ABCC3: variants seen among roughly 807,000 people sequenced by gnomAD.
ABCC3 encodes the protein ATP-binding cassette sub-family C member 3.
Under a neutral mutation model 165.3 loss-of-function variants are expected in ABCC3, and 121 were observed. The observed-to-expected ratio is 0.73, with a 90% CI of 0.63 to 0.85. The LOEUF is 0.85. Ranked by LOEUF, ABCC3 falls within the 40% of genes least tolerant of loss-of-function variation. ABCC3 has a pLI of 0.00. For synonymous variants in ABCC3, 733 were observed against 810.1 expected (o/e 0.90, Z 1.62); for missense variants, 1,869 against 1,964.1 (o/e 0.95, Z 0.92).
At chr17:50,687,354 C>T (rs1968040843) in intron 29 of ABCC3, 182 bp from the exon 30 acceptor site, 7 of 607,316 alleles carry the variant, frequency 1.2e-5, no homozygotes, top group Non-Finnish European at 2.0e-5. Flanking sequence ...CCCAAGGCCC[C>T]TCATTATCCC....
At chr17:50,649,708 GGAAA>G (rs113586705) in intron 1 of ABCC3, among the ~76,000 whole-genome samples, 10 of 149,292 alleles carry the variant, frequency 6.7e-5, no homozygotes, top group East Asian at 2.0e-4. Context: ...AGGGAAGAAG[GGAAA>G]GAAAGAAGGA....
rs1469494737 is a variant in ABCC3 at position 50,679,910 on chromosome 17, G to A, written c.3807+11G>A. 4 of 1,608,044 alleles carry A rather than the reference G, an allele frequency of 2.5e-6. No individual in the cohort carries two copies. Among genetic ancestry groups the A allele is most frequent in the Non-Finnish European group, 3.4e-6 (4 of 1,174,650 alleles). ...AAGACAGAGACAGAGGTGGGTACTG[G>A]CATGAGCCCGGGACAGGGGGAATCT... On this transcript the variant is annotated intron_variant, in intron 26 of 30. Coordinates refer to ENST00000285238, the MANE Select transcript of ABCC3 (RefSeq NM_003786.4).
chr17:50,664,201 C>A, intron 10 of ABCC3, 90 bp downstream of exon 10: 1 of 1,537,694 alleles, frequency 6.5e-7, no homozygotes, highest in Non-Finnish European at 8.9e-7. Flanking sequence ...GAGCATGGCA[C>A]ATGCTTGTAG....
At position 50,673,986 on chromosome 17, in the gene ABCC3, C is replaced by CTTTCTTTCTT. The variant is rs1567835597; in HGVS notation, c.2599+329_2599+330insTTCTTTCTTT. 2.4e-3 allele frequency among the ~76,000 whole-genome samples: 27 copies of CTTTCTTTCTT among 11,314 alleles called. 8 individuals carry two copies. The highest frequency in any genetic ancestry group is 5.5e-3 in the East Asian group (3 of 550). 7.4% of individuals were successfully genotyped at this position (11,314 alleles called of 152,430 possible). ...TTTCTTTCTTTCTTTCTTTCTCTCT[C>CTTTCTTTCTT]TCTCTCTCTCTCTCTCTCTCTCTCT... On this transcript the variant is annotated intron_variant, in intron 19 of 30. Transcript: ENST00000285238.
chr17:50,674,817 G>T (rs4794178), intron 19 of ABCC3, among the ~76,000 whole-genome samples: 142,412 of 145,330 alleles, frequency 0.98, 69,756 homozygotes, highest in South Asian at 0.99. Context: ...TTTTTTTTTT[G>T]GGGACAGTTT....
chr17:50,653,112 G>A (rs929959236), intron 1 of ABCC3, among the ~76,000 whole-genome samples: 19 of 152,086 alleles, frequency 1.2e-4, no homozygotes, highest in African/African-American at 2.7e-4. Flanking sequence ...TTGGGAGGCC[G>A]AGGTGGGTGG....
chr17:50,661,841 A>G (rs981356092), intron 8 of ABCC3, among the ~76,000 whole-genome samples: 1 of 152,226 alleles, frequency 6.6e-6, no homozygotes, highest in Non-Finnish European at 1.5e-5. Context: ...CAAAGAAGCC[A>G]GCCTGGGATG....
rs542205319 is a variant in ABCC3 at position 50,649,067 on chromosome 17, G to A, written c.46-6765G>A. Among the ~76,000 whole-genome samples, 12 of 148,514 alleles carry A rather than the reference G, an allele frequency of 8.1e-5. No individual in the cohort carries two copies. In the South Asian group the frequency reaches 8.5e-4, roughly 11 times the overall value. ...GCAGAGGTTGCAGTGAGCTGAGATC[G>A]TACTACCACACTCCAGCCTGGGCGA... is the stretch of plus-strand genomic sequence containing the variant. On this transcript the variant is annotated intron_variant, in intron 1 of 30. Coordinates refer to ENST00000285238, the MANE Select transcript of ABCC3 (RefSeq NM_003786.4).
In ABCC3 at chr17:50,668,602, T is replaced by C. The variant is rs955827159; in HGVS notation, c.1870+85T>C. The C allele has an allele frequency of 4.4e-6, 5 of 1,133,948 alleles. No individual in the cohort carries two copies. The African/African-American group carries it at 7.8e-5, about 18-fold the overall frequency. 70.2% of individuals were successfully genotyped at this position (1,133,948 alleles called of 1,614,324 possible). A position where few individuals can be genotyped will look rare whatever the true frequency, so the allele number is the denominator to read the frequency against. On this transcript the variant is annotated intron_variant, in intron 14 of 30. Coordinates refer to ENST00000285238, the MANE Select transcript of ABCC3 (RefSeq NM_003786.4). ...TTCAAGCTTTTCCTTTGTTCTCTCCTGACCCCTTTTCTTCTTCCTCTGTTC... is the reference window on the plus strand; with the variant it reads ...TTCAAGCTTTTCCTTTGTTCTCTCCCGACCCCTTTTCTTCTTCCTCTGTTC...
intron 17 of ABCC3, among the ~76,000 whole-genome samples, chr17:50,670,436 G>A (rs1356762298): frequency 6.6e-6 from 1 of 152,102 alleles, no homozygotes; most frequent in Admixed American, 6.6e-5. Context: ...AGCTCATCAT[G>A]TATCTGTTCA....
intron 13 of ABCC3, 133 bp from the exon 14 acceptor site, chr17:50,668,297 G>T: frequency 1.3e-6 from 1 of 744,682 alleles, no homozygotes. Context: ...ACTCAGTCGT[G>T]GGAGGGACCC....
chr17:50,669,387 C>T lies in ABCC3; in HGVS notation c.2100C>T (p.Ile700=). 4 of 1,614,246 alleles carry T rather than the reference C, an allele frequency of 2.5e-6. No individual in the cohort carries two copies. Among genetic ancestry groups the T allele is most frequent in the Non-Finnish European group, 3.4e-6 (4 of 1,180,044 alleles). The change falls in exon 17 of 31, where the codon ATC becomes ATT. Residue 700 remains isoleucine (I), a synonymous_variant. Coordinates refer to ENST00000285238, the MANE Select transcript of ABCC3 (RefSeq NM_003786.4). ...CCTATGTGCCCCAGCAGGCATGGATCCAGAACTGCACTCTTCAGGAAAACG... is the reference window on the plus strand; with the variant it reads ...CCTATGTGCCCCAGCAGGCATGGATTCAGAACTGCACTCTTCAGGAAAACG... ...SVAYVPQQAW[I]QNCTLQENVL... is the part of the protein sequence containing the mutation.
At chr17:50,678,334 C>T (rs1288237999) in intron 25 of ABCC3, 115 bp downstream of exon 25, 2 of 1,123,562 alleles carry the variant, frequency 1.8e-6, no homozygotes, top group East Asian at 5.5e-5. Context: ...GCCACAGGGT[C>T]TGTTCTCAAG....
chr17:50,679,495 C>G (rs1004156211), intron 25 of ABCC3: 22 of 204,948 alleles, frequency 1.1e-4, no homozygotes, highest in Non-Finnish European at 1.1e-4. Context: ...CCACCTCAGA[C>G]TACAGAATCC....
rs569751427 is a variant in ABCC3 at position 50,643,734 on chromosome 17, G to A, written c.45+8753G>A. The A allele has an allele frequency of 3.4e-4, 144 of 423,440 alleles. 1 individual carries two copies. Among genetic ancestry groups the A allele is most frequent in the Non-Finnish European group, 6.0e-4 (124 of 206,560 alleles). The allele number at this position is 423,440 out of a possible 1,614,324, so 26.2% of individuals were successfully genotyped here. A position where few individuals can be genotyped will look rare whatever the true frequency, so the allele number is the denominator to read the frequency against. Reference sequence around the variant, plus strand: ...AGGATTTTGACAAGTGGTAAAAAGAGGGACTAGGTTGAGCAAGGGGGTAGG... The same window carrying A: ...AGGATTTTGACAAGTGGTAAAAAGAAGGACTAGGTTGAGCAAGGGGGTAGG... On this transcript the variant is annotated intron_variant, in intron 1 of 30. Coordinates refer to ENST00000285238, the MANE Select transcript of ABCC3 (RefSeq NM_003786.4).
At chr17:50,668,830 C>T (rs748048805) in intron 14 of ABCC3, 23 bp from the exon 15 acceptor site, 3 of 1,612,368 alleles carry the variant, frequency 1.9e-6, no homozygotes, top group Non-Finnish European at 2.5e-6. Context: ...CCTCCCTGAC[C>T]CTGCCCACCT....
Position 50,692,083 on chromosome 17 carries a change from T to TA in ABCC3, c.*885dup, listed in dbSNP as rs1968133962. ...CGAAGTCTGTTCCAGACAGTTCCTA[T>TA]AACCAGTGAGGCCTCCAAGTCATTC... On this transcript the variant is annotated 3_prime_UTR_variant, in exon 31 of 31. Coordinates refer to ENST00000285238, the MANE Select transcript of ABCC3 (RefSeq NM_003786.4). The TA allele has an allele frequency of 6.6e-6, 1 of 152,252 alleles. No homozygotes were observed. Among genetic ancestry groups the TA allele is most frequent in the Non-Finnish European group, 1.5e-5 (1 of 68,082 alleles). 9.4% of individuals were successfully genotyped at this position (152,252 alleles called of 1,614,324 possible). A position where few individuals can be genotyped will look rare whatever the true frequency, so the allele number is the denominator to read the frequency against.
Position 50,640,771 on chromosome 17 carries a change from C to A in ABCC3, c.45+5790C>A, listed in dbSNP as rs1208075366. 2.0e-5 allele frequency among the ~76,000 whole-genome samples: 3 copies of A among 152,226 alleles called. No individual in the cohort carries two copies. In the East Asian group the frequency reaches 5.8e-4, roughly 29 times the overall value. On this transcript the variant is annotated intron_variant, in intron 1 of 30. Coordinates refer to ENST00000285238, the MANE Select transcript of ABCC3 (RefSeq NM_003786.4). ...CTCCTGACCTCAGGGGACCCACCCT[C>A]CTCGGCCTCCCAAAGTGCTGGGATT...
chr17:50,635,198 G>C (rs1282578949), intron 1 of ABCC3: 2 of 624,780 alleles, frequency 3.2e-6, no homozygotes, highest in Non-Finnish European at 5.5e-6. Flanking sequence ...GCCCTGCTCT[G>C]CCCTTCCCGG....
Sources: gnomAD v4.1 joint callset for allele counts (sites outside exome capture counted in the v4.1 genomes callset) on GRCh38, gnomAD v4.1.1 for gene constraint, MANE v1.5 for transcripts, NCBI Gene and HGNC (gene_info 2026-07-23, HGNC 2026-07-21) for gene names.